RB1CC1: variants seen among roughly 807,000 people sequenced by gnomAD.
The protein encoded by RB1CC1 is RB1 inducible coiled-coil 1.
RB1CC1 carries 46 observed loss-of-function variants against 177.5 expected under a neutral mutation model. The ratio of observed to expected loss-of-function variants is 0.26; its 90% CI spans 0.20 to 0.33. The LOEUF (loss-of-function observed/expected upper bound fraction) is 0.33. Among genes scored for constraint, RB1CC1 ranks in the 10% least tolerant of loss-of-function variants. The pLI is 1.00. For missense variants in RB1CC1, 1,703 were observed against 1,816.3 expected, an observed-to-expected ratio of 0.94 and a Z score of 1.13; for synonymous variants, 666 against 613.6, an observed-to-expected ratio of 1.09 and a Z score of -1.26.
chr8:52,710,601 ATT>A (rs1856974913), intron 1 of RB1CC1, among the ~76,000 whole-genome samples: 1 of 152,168 alleles, frequency 6.6e-6, no homozygotes, highest in Non-Finnish European at 1.5e-5. Flanking sequence ...TGCATTACAC[ATT>A]TTGGTGTCCC....
chr8:52,642,155 T>C (rs1054041407), intron 18 of RB1CC1, among the ~76,000 whole-genome samples, 196 bp downstream of exon 18: 1 of 152,164 alleles, frequency 6.6e-6, no homozygotes, highest in Non-Finnish European at 1.5e-5. Context: ...ATACTTTGTA[T>C]AGTATGAGAG....
rs1353722991 is a variant in RB1CC1 at position 52,678,654 on chromosome 8, A to G, written c.370-2083T>C. Among the ~76,000 whole-genome samples, 3 of 152,216 alleles carry G rather than the reference A, an allele frequency of 2.0e-5. 1 individual carries two copies. The highest frequency in any genetic ancestry group is 4.1e-4 in the South Asian group (2 of 4,828). Reference sequence around the variant, plus strand: ...ATATATTTGCTGATATATTTGGCTGATAAGGATGCCAAAATTATGACCATT... The same window carrying G: ...ATATATTTGCTGATATATTTGGCTGGTAAGGATGCCAAAATTATGACCATT... On this transcript the variant is annotated intron_variant, in intron 5 of 23. Coordinates refer to ENST00000025008, the MANE Select transcript of RB1CC1 (RefSeq NM_014781.5).
intron 1 of RB1CC1, among the ~76,000 whole-genome samples, chr8:52,698,673 T>TTG (rs1486069144): frequency 1.1e-3 from 3 of 2,774 alleles, no homozygotes; most frequent in Non-Finnish European, 3.4e-3. Context: ...ATGGTTGGTT[T>TTG]TTTTTTTTTT....
intron 7 of RB1CC1, among the ~76,000 whole-genome samples, chr8:52,672,306 A>C (rs1246286844): frequency 1.3e-5 from 2 of 152,112 alleles, no homozygotes; most frequent in African/African-American, 2.4e-5. Context: ...TCAGAGAATC[A>C]CTGTTCCTTT....
chr8:52,624,777 T>G lies in RB1CC1; in HGVS notation c.4647A>C (p.Ala1549=). Residue 1549 remains alanine, a synonymous_variant, in exon 23 of 24, where the codon GCA becomes GCC. Transcript: ENST00000025008. Reference sequence around the variant, plus strand: ...TTCCAAGTACCCAGGGTCTTCTAGATGCACCTGAAGCTAATGAAATTAAAT... The same window carrying G: ...TTCCAAGTACCCAGGGTCTTCTAGAGGCACCTGAAGCTAATGAAATTAAAT... The part of the protein sequence containing the change: ...DLKPGEGASG[A]SRRPWVLGKV... 1 of 1,571,210 alleles carries G rather than the reference T, an allele frequency of 6.4e-7. No individual in the cohort carries two copies. The highest frequency in any genetic ancestry group is 8.7e-7 in the Non-Finnish European group (1 of 1,153,920).
intron 23 of RB1CC1, 118 bp downstream of exon 23, chr8:52,624,599 G>C: frequency 2.5e-6 from 2 of 804,210 alleles, no homozygotes; most frequent in South Asian, 1.6e-5. Context: ...TTAAATTCAA[G>C]CTCTAACTGA....
At chr8:52,646,428 G>C (rs750729235) in intron 15 of RB1CC1, among the ~76,000 whole-genome samples, 24 of 151,670 alleles carry the variant, frequency 1.6e-4, no homozygotes, top group Admixed American at 1.1e-3. Flanking sequence ...GTATTTTCTG[G>C]TAAGGGACTA....
chr8:52,654,734 G>C (rs1038381783), intron 15 of RB1CC1, among the ~76,000 whole-genome samples: 20 of 152,164 alleles, frequency 1.3e-4, no homozygotes, highest in Admixed American at 5.2e-4. Context: ...TCAGTTTAGA[G>C]AGTATCTCTC....
chr8:52,669,328 G>C (rs1852348649), intron 7 of RB1CC1, among the ~76,000 whole-genome samples: 1 of 152,092 alleles, frequency 6.6e-6, no homozygotes, highest in Admixed American at 6.5e-5. Context: ...GATAAACCGT[G>C]TTTTTCTATC....
chr8:52,641,290 AG>A (rs1014507229), intron 18 of RB1CC1, among the ~76,000 whole-genome samples: 26 of 151,248 alleles, frequency 1.7e-4, no homozygotes, highest in Non-Finnish European at 2.9e-4. Flanking sequence ...AGGCTAAGGC[AG>A]AAGAATCACT....
chr8:52,651,110 T>A (rs1850533683), intron 15 of RB1CC1, among the ~76,000 whole-genome samples: 1 of 152,198 alleles, frequency 6.6e-6, no homozygotes. Context: ...CATATGGGAA[T>A]AGATCTAATG....
Position 52,661,297 on chromosome 8 carries a change from C to A in RB1CC1, c.1359-16G>T. ...GCAACACCACCTAGAGAATAAAATCCATTATTTTCAACATTCACAAAACTG... is the reference window on the plus strand; with the variant it reads ...GCAACACCACCTAGAGAATAAAATCAATTATTTTCAACATTCACAAAACTG... On this transcript the variant is annotated splice_polypyrimidine_tract_variant and intron_variant, in intron 9 of 23. Coordinates refer to ENST00000025008, the MANE Select transcript of RB1CC1 (RefSeq NM_014781.5). 2 of 1,604,650 alleles carry A rather than the reference C, an allele frequency of 1.2e-6. No individual in the cohort carries two copies. The highest frequency in any genetic ancestry group is 1.1e-5 in the South Asian group (1 of 89,342).
rs1259083850 is a variant in RB1CC1 at position 52,683,701 on chromosome 8, G to C, written c.217C>G (p.Leu73Val). The change falls in exon 5 of 24, where the codon CTT becomes GTT. Residue 73 changes from leucine (L) to valine (V), a missense_variant. By Grantham distance (32) the Leu-to-Val change is conservative (BLOSUM62 1). Transcript: ENST00000025008. ...CATAAGATCATTTCTTTGTTAAAAA[G>C]AAAAATTGGATTTGTATCCTATATT... ...SAGTDTNPIFLFNKEMILCDR... is the reference protein window; with the variant it reads ...SAGTDTNPIFVFNKEMILCDR... 1.3e-6 allele frequency: 2 copies of C among 1,584,874 alleles called. No homozygotes were observed. Among genetic ancestry groups the C allele is most frequent in the South Asian group, 2.3e-5 (2 of 85,732 alleles).
At chr8:52,677,238 G>A (rs1459892479) in intron 5 of RB1CC1, among the ~76,000 whole-genome samples, 1 of 152,038 alleles carries the variant, frequency 6.6e-6, no homozygotes, top group East Asian at 1.9e-4. Flanking sequence ...AGATATAAAA[G>A]TCACAAAAGA....
chr8:52,640,248 G>A (rs1849456100), intron 18 of RB1CC1, among the ~76,000 whole-genome samples: 1 of 152,186 alleles, frequency 6.6e-6, no homozygotes, highest in Non-Finnish European at 1.5e-5. Flanking sequence ...AGGCTGGGGA[G>A]AGTACAGAGG....
chr8:52,638,690 T>A (rs1849336428), intron 18 of RB1CC1, among the ~76,000 whole-genome samples: 1 of 152,122 alleles, frequency 6.6e-6, no homozygotes, highest in South Asian at 2.1e-4. Flanking sequence ...AGTAGTCTTT[T>A]ATTTTCTTTA....
intron 18 of RB1CC1, among the ~76,000 whole-genome samples, chr8:52,640,792 T>G (rs1849508423): frequency 6.6e-6 from 1 of 152,176 alleles, no homozygotes; most frequent in Non-Finnish European, 1.5e-5. Context: ...TTGAATTACT[T>G]TTTTTGTTCT....
Position 52,656,333 on chromosome 8 carries a change from A to G in RB1CC1, c.3496T>C (p.Phe1166Leu), listed in dbSNP as rs765135566. ...NKVTSLHNQAFEIEKNLKEQI... is the reference protein window; with the variant it reads ...NKVTSLHNQALEIEKNLKEQI... Reference sequence around the variant, plus strand: ...TCTTTTAGGTTTTTTTCTATTTCAAATGCTTGGTTATGCAAAGATGTTACT... The same window carrying G: ...TCTTTTAGGTTTTTTTCTATTTCAAGTGCTTGGTTATGCAAAGATGTTACT... The change falls in exon 15 of 24, where the codon TTT becomes CTT. Residue 1166 changes from phenylalanine to leucine, a missense_variant. Phe to Leu is a conservative substitution (Grantham distance 22, BLOSUM62 0). Transcript: ENST00000025008. 6.2e-7 allele frequency: 1 copy of G among 1,612,496 alleles called. No individual in the cohort carries two copies. The highest frequency in any genetic ancestry group is 1.1e-5 in the South Asian group (1 of 90,992).
intron 18 of RB1CC1, among the ~76,000 whole-genome samples, chr8:52,639,745 A>G (rs1264395034): frequency 1.3e-5 from 2 of 152,154 alleles, no homozygotes; most frequent in Non-Finnish European, 2.9e-5. Flanking sequence ...TTCTCAAGTA[A>G]TCAGTGAGTA....
Sources: gnomAD v4.1 joint callset for allele counts (sites outside exome capture counted in the v4.1 genomes callset) on GRCh38, gnomAD v4.1.1 for gene constraint, MANE v1.5 for transcripts, NCBI Gene and HGNC (gene_info 2026-07-23, HGNC 2026-07-21) for gene names.